The following EPHA4 variants were observed in gnomAD, a reference collection of about 807,000 sequenced individuals.
The protein encoded by EPHA4 is ephrin type-A receptor 4.
A neutral mutation model predicts 108.3 loss-of-function variants in EPHA4; 19 were observed. The observed-to-expected ratio is 0.18, with a 90% confidence interval of 0.12 to 0.26. The LOEUF (loss-of-function observed/expected upper bound fraction) is 0.26, where lower values mean the gene tolerates loss of function less well. Ranked by LOEUF, EPHA4 falls within the 10% of genes least tolerant of loss-of-function variation. The probability of loss-of-function intolerance (pLI) is 1.00; values close to 1 mark genes in which losing one functional copy is unlikely to be tolerated. For synonymous variants in EPHA4, 449 were observed against 455.5 expected (o/e 0.99, Z 0.18); for missense variants, 917 against 1,254.0 (o/e 0.73, Z 4.06).
At position 221,425,676 on chromosome 2, in the gene EPHA4, A is replaced by G; in HGVS notation, c.*352T>C. ...ACAATGGTTGTAATTCCAAATGGAG[A>G]GAGAATCAGGGATGTCTCAGAAGCT... On this transcript the variant is annotated 3_prime_UTR_variant, in exon 17 of 18. Transcript: ENST00000281821. 1 of 195,058 alleles carries G rather than the reference A, an allele frequency of 5.1e-6. No homozygotes were observed. The allele number at this position is 195,058 out of a possible 1,614,324, so 12.1% of individuals were successfully genotyped here.
At chr2:221,562,485 A>G (rs1255172907) in intron 3 of EPHA4, among the ~76,000 whole-genome samples, 2 of 152,226 alleles carry the variant, frequency 1.3e-5, no homozygotes, top group South Asian at 2.1e-4. Context: ...TGTCATTAGA[A>G]TGGTTGAAAT....
intron 3 of EPHA4, among the ~76,000 whole-genome samples, chr2:221,557,144 T>C (rs1574657774): frequency 6.6e-6 from 1 of 152,336 alleles, no homozygotes; most frequent in Non-Finnish European, 1.5e-5. Flanking sequence ...TGAAAGGGTC[T>C]TGGGGAACAT....
chr2:221,556,637 T>G (rs1255549532), intron 3 of EPHA4, among the ~76,000 whole-genome samples: 5 of 152,018 alleles, frequency 3.3e-5, no homozygotes, highest in Admixed American at 3.3e-4. Context: ...ATGTCTGGCT[T>G]AATAGAGGAC....
intron 3 of EPHA4, among the ~76,000 whole-genome samples, chr2:221,550,239 A>G (rs1001219032): frequency 4.9e-4 from 75 of 152,196 alleles, no homozygotes; most frequent in African/African-American, 1.7e-3. Flanking sequence ...GCAAATATAG[A>G]GAAAAGTGCC....
At chr2:221,476,866 C>A (rs940862872) in intron 5 of EPHA4, among the ~76,000 whole-genome samples, 2 of 152,006 alleles carry the variant, frequency 1.3e-5, no homozygotes, top group African/African-American at 4.8e-5. Context: ...GTGCCTCTTA[C>A]ACTTAGTTAT....
intron 2 of EPHA4, among the ~76,000 whole-genome samples, chr2:221,565,311 AG>A (rs1694597227): frequency 2.0e-5 from 3 of 152,214 alleles, no homozygotes; most frequent in Admixed American, 1.3e-4. Flanking sequence ...TGTGACTAAA[AG>A]TTTCACTGTC....
chr2:221,572,065 C>T, intron 1 of EPHA4, 93 bp downstream of exon 1: 2 of 1,056,404 alleles, frequency 1.9e-6, no homozygotes, highest in Non-Finnish European at 2.9e-6. Context: ...CACTGGGCTC[C>T]CCCCGCACCA....
intron 5 of EPHA4, among the ~76,000 whole-genome samples, chr2:221,476,942 G>T (rs1276965286): frequency 6.6e-6 from 1 of 152,072 alleles, no homozygotes; most frequent in Non-Finnish European, 1.5e-5. Context: ...AGAGTTAACT[G>T]ATTTGATTTT....
chr2:221,525,732 G>T (rs1018949984), intron 3 of EPHA4, among the ~76,000 whole-genome samples: 6 of 152,088 alleles, frequency 3.9e-5, no homozygotes, highest in Non-Finnish European at 8.8e-5. Flanking sequence ...GTCCTCTCCA[G>T]GAAACAAAGT....
At position 221,430,168 on chromosome 2, in the gene EPHA4, G is replaced by A. The variant is rs759775130; in HGVS notation, c.2497-17C>T. On this transcript the variant is annotated splice_polypyrimidine_tract_variant and intron_variant, in intron 14 of 17. Transcript: ENST00000281821. ...TTTAATCACCTATGGAAGACAACAG[G>A]ATGGTATGTTAAGCTGCCAGGCAAG... 5 of 1,584,202 alleles carry A rather than the reference G, an allele frequency of 3.2e-6. No individual in the cohort carries two copies. In the South Asian group the frequency reaches 4.6e-5, roughly 15 times the overall value.
intron 5 of EPHA4, among the ~76,000 whole-genome samples, chr2:221,481,141 G>A (rs1330482293): frequency 1.3e-5 from 2 of 152,172 alleles, no homozygotes; most frequent in Non-Finnish European, 2.9e-5. Context: ...CAGGGAAGGA[G>A]TACAGATGAG....
intron 3 of EPHA4, among the ~76,000 whole-genome samples, chr2:221,546,116 C>G (rs1000866122): frequency 4.6e-5 from 7 of 152,268 alleles, no homozygotes; most frequent in African/African-American, 1.4e-4. Context: ...CAGGGAAAGG[C>G]ATGGAGACCT....
At chr2:221,497,214 T>A (rs972214926) in intron 4 of EPHA4, among the ~76,000 whole-genome samples, 1 of 152,076 alleles carries the variant, frequency 6.6e-6, no homozygotes, top group Non-Finnish European at 1.5e-5. Context: ...CTTTGCAAAT[T>A]TTTTTTATTT....
At chr2:221,553,903 G>A (rs1478160753) in intron 3 of EPHA4, among the ~76,000 whole-genome samples, 1 of 152,060 alleles carries the variant, frequency 6.6e-6, no homozygotes, top group African/African-American at 2.4e-5. Context: ...GGATTATCTG[G>A]GTAATTAAGA....
intron 3 of EPHA4, among the ~76,000 whole-genome samples, chr2:221,550,128 C>T (rs747624105): frequency 6.6e-5 from 10 of 152,168 alleles, no homozygotes; most frequent in Non-Finnish European, 1.3e-4. Flanking sequence ...TTATCCACTA[C>T]GCTGGGCTGG....
At chr2:221,489,609 A>T (rs1325059949) in intron 4 of EPHA4, among the ~76,000 whole-genome samples, 3 of 152,150 alleles carry the variant, frequency 2.0e-5, no homozygotes, top group Admixed American at 1.3e-4. Context: ...TCACATTTTT[A>T]AAAATTTCCT....
chr2:221,445,726 C>T (rs1201971084), intron 9 of EPHA4, among the ~76,000 whole-genome samples: 2 of 151,804 alleles, frequency 1.3e-5, no homozygotes, highest in Non-Finnish European at 2.9e-5. Context: ...TTCTATATCA[C>T]ATATAGCCAT....
intron 4 of EPHA4, among the ~76,000 whole-genome samples, chr2:221,500,107 TAAAC>T (rs1692445755): frequency 6.6e-6 from 1 of 152,126 alleles, no homozygotes; most frequent in African/African-American, 2.4e-5. Context: ...ACATAGCACA[TAAAC>T]AACATGAGGC....
At chr2:221,442,442 C>T (rs1035595517) in intron 11 of EPHA4, among the ~76,000 whole-genome samples, 1 of 152,174 alleles carries the variant, frequency 6.6e-6, no homozygotes, top group Non-Finnish European at 1.5e-5. Context: ...GCATCTGGAA[C>T]CAAAGATTCC....
Sources: gnomAD v4.1 joint callset for allele counts (sites outside exome capture counted in the v4.1 genomes callset) on GRCh38, gnomAD v4.1.1 for gene constraint, MANE v1.5 for transcripts, NCBI Gene and HGNC (gene_info 2026-07-23, HGNC 2026-07-21) for gene names.